RABGAP1: variants seen among roughly 807,000 people sequenced by gnomAD.
RABGAP1 encodes the protein RAB GTPase activating protein 1.
Under a neutral mutation model 137.6 loss-of-function variants are expected in RABGAP1, and 23 were observed. The observed-to-expected ratio is 0.17, with a 90% CI of 0.12 to 0.24. The LOEUF (loss-of-function observed/expected upper bound fraction) is 0.24. Ranked by LOEUF, RABGAP1 falls within the 10% of genes least tolerant of loss-of-function variation. The probability of loss-of-function intolerance (pLI) is 1.00; values close to 1 mark genes in which losing one functional copy is unlikely to be tolerated. For missense variants in RABGAP1, 906 were observed against 1,275.8 expected (o/e 0.71, Z 4.42); for synonymous variants, 451 against 450.7 (o/e 1.00, Z -0.01).
intron 10 of RABGAP1, among the ~76,000 whole-genome samples, chr9:123,000,990 A>T (rs934491079): frequency 2.6e-5 from 4 of 152,014 alleles, no homozygotes; most frequent in Non-Finnish European, 5.9e-5. Flanking sequence ...GTGCTGGGAT[A>T]ACAGGCTTGA....
intron 2 of RABGAP1, among the ~76,000 whole-genome samples, chr9:122,979,795 G>T (rs1409543357): frequency 6.6e-6 from 1 of 152,160 alleles, no homozygotes; most frequent in South Asian, 2.1e-4. Context: ...TCTGGACTCT[G>T]TTCTGTGCCA....
chr9:122,986,444 T>G (rs1158227125), intron 4 of RABGAP1, 25 bp downstream of exon 4: 9 of 1,601,224 alleles, frequency 5.6e-6, no homozygotes, highest in Non-Finnish European at 7.7e-6. Context: ...TTGAAATCTT[T>G]CGATATTTAC....
intron 13 of RABGAP1, among the ~76,000 whole-genome samples, chr9:123,056,664 T>G (rs1197198819): frequency 1.3e-5 from 2 of 151,780 alleles, no homozygotes; most frequent in African/African-American, 4.8e-5. Context: ...TACTTGAGAT[T>G]AGGGAGTGGT....
At chr9:122,975,473 A>G (rs1173670996) in intron 2 of RABGAP1, among the ~76,000 whole-genome samples, 2 of 152,238 alleles carry the variant, frequency 1.3e-5, no homozygotes, top group South Asian at 2.1e-4. Flanking sequence ...ATTCTACCGT[A>G]TAAGATATTG....
At chr9:123,025,591 G>C (rs2031917454) in intron 13 of RABGAP1, among the ~76,000 whole-genome samples, 1 of 100,400 alleles carries the variant, frequency 1.0e-5, no homozygotes, top group African/African-American at 3.2e-5. Context: ...GCCTTCATAG[G>C]GATCTTGTAG....
At chr9:123,055,483 T>G (rs2033654299) in intron 13 of RABGAP1, among the ~76,000 whole-genome samples, 1 of 152,016 alleles carries the variant, frequency 6.6e-6, no homozygotes, top group Non-Finnish European at 1.5e-5. Flanking sequence ...CCTCCTGCCT[T>G]GGCTTCCTAA....
intron 19 of RABGAP1, among the ~76,000 whole-genome samples, chr9:123,080,981 C>T (rs2034689107): frequency 6.6e-6 from 1 of 152,186 alleles, no homozygotes; most frequent in Non-Finnish European, 1.5e-5. Context: ...GCCTCCTCCA[C>T]TTCTGCCTCT....
At chr9:123,005,345 T>C (rs2030144641) in intron 10 of RABGAP1, among the ~76,000 whole-genome samples, 1 of 151,950 alleles carries the variant, frequency 6.6e-6, no homozygotes, top group African/African-American at 2.4e-5. Context: ...GTCATAATTA[T>C]GTAGAAATGT....
chr9:123,057,499 G>C (rs1458213482), intron 13 of RABGAP1, among the ~76,000 whole-genome samples: 1 of 151,916 alleles, frequency 6.6e-6, no homozygotes, highest in African/African-American at 2.4e-5. Context: ...TGGGATGGCG[G>C]TCGGGAAGAG....
chr9:123,020,445 A>C lies in RABGAP1; in HGVS notation c.1780A>C (p.Ile594Leu). The C allele has an allele frequency of 8.8e-6, 14 of 1,596,128 alleles. No individual in the cohort carries two copies. Among genetic ancestry groups the C allele is most frequent in the Non-Finnish European group, 1.2e-5 (14 of 1,170,626 alleles). Reference sequence around the variant, plus strand: ...TGACCACCTGGTAGAGAAATACCGCATTCTTATCACAAAGGTAAGGGGGTG... The same window carrying C: ...TGACCACCTGGTAGAGAAATACCGCCTTCTTATCACAAAGGTAAGGGGGTG... Reference protein sequence around the residue: ...NNDHLVEKYRILITKESPQDS... With the variant: ...NNDHLVEKYRLLITKESPQDS... The change falls in exon 13 of 26, where the codon ATT (isoleucine) becomes CTT (leucine). Residue 594 changes from isoleucine (I) to leucine (L), a missense_variant. By Grantham distance (5) the Ile-to-Leu change is conservative (BLOSUM62 2). This residue lies in a region of RABGAP1 where 212 missense variants were observed against 289.4 expected (regional missense o/e 0.73). Coordinates refer to ENST00000373647, the MANE Select transcript of RABGAP1 (RefSeq NM_012197.4).
chr9:122,937,405 C>T (rs572915672), upstream of RABGAP1, among the ~76,000 whole-genome samples: 47 of 152,254 alleles, frequency 3.1e-4, 1 homozygote, highest in East Asian at 8.1e-3. Context: ...TCGAGACCAG[C>T]CTGGCCAACA....
rs2035419050 is a variant in RABGAP1 at position 123,103,891 on chromosome 9, A to G, written c.*678A>G. The G allele has an allele frequency of 6.6e-6, 1 of 151,678 alleles. No individual in the cohort carries two copies. Among genetic ancestry groups the G allele is most frequent in the East Asian group, 1.9e-4 (1 of 5,148 alleles). The allele number at this position is 151,678 out of a possible 1,614,324, so 9.4% of individuals were successfully genotyped here. Reference sequence around the variant, plus strand: ...TAGCATTAGCTGCCAAATGACTTCAAAAGGCTGGGGTGGGTGACTTGACTG... The same window carrying G: ...TAGCATTAGCTGCCAAATGACTTCAGAAGGCTGGGGTGGGTGACTTGACTG... On this transcript the variant is annotated 3_prime_UTR_variant, in exon 26 of 26. Coordinates refer to ENST00000373647, the MANE Select transcript of RABGAP1 (RefSeq NM_012197.4).
intron 13 of RABGAP1, chr9:123,035,132 C>T (rs2131994648): frequency 6.2e-7 from 1 of 1,613,890 alleles, no homozygotes; most frequent in Non-Finnish European, 8.5e-7. Flanking sequence ...CACACCGACT[C>T]CTACTTCACC....
At chr9:122,943,180 C>G (rs985377741) in intron 1 of RABGAP1, among the ~76,000 whole-genome samples, 1 of 145,194 alleles carries the variant, frequency 6.9e-6, no homozygotes, top group Admixed American at 6.9e-5. Context: ...GTTCAAGGAA[C>G]TGATTCTCCT....
intron 19 of RABGAP1, among the ~76,000 whole-genome samples, chr9:123,081,329 CGT>C (rs1267931645): frequency 1.3e-5 from 2 of 152,166 alleles, no homozygotes; most frequent in Non-Finnish European, 2.9e-5. Context: ...GCCCCTAACT[CGT>C]GTTGTTCAAG....
chr9:123,035,688 T>C (rs1161354691), intron 13 of RABGAP1: 1 of 847,406 alleles, frequency 1.2e-6, no homozygotes, highest in Non-Finnish European at 1.8e-6. Flanking sequence ...GTGTGTATTT[T>C]ATCTCTAAGT....
At chr9:123,003,864 A>T (rs2131846061) in intron 10 of RABGAP1, among the ~76,000 whole-genome samples, 1 of 152,392 alleles carries the variant, frequency 6.6e-6, no homozygotes, top group South Asian at 2.1e-4. Context: ...CATTCTTATA[A>T]CTATAGAATA....
intron 13 of RABGAP1, chr9:123,021,041 A>G (rs1440210560): frequency 3.3e-6 from 1 of 304,554 alleles, no homozygotes; most frequent in Non-Finnish European, 4.8e-6. Flanking sequence ...ATGTTAGGCA[A>G]TGTTTTGTGC....
intron 12 of RABGAP1, among the ~76,000 whole-genome samples, chr9:123,018,054 C>T (rs903505137): frequency 3.9e-5 from 6 of 152,086 alleles, no homozygotes; most frequent in African/African-American, 7.2e-5. Context: ...AGTGCAGTGG[C>T]GCGATCTCGG....
Sources: allele counts gnomAD v4.1 joint callset (sites outside exome capture counted in the v4.1 genomes callset), GRCh38; gene constraint gnomAD v4.1.1; regional missense constraint gnomAD v4.1.1; transcripts MANE v1.5; gene names NCBI Gene and HGNC (gene_info 2026-07-23, HGNC 2026-07-21).